CEP131: variants seen among roughly 807,000 people sequenced by gnomAD.
The protein encoded by CEP131 is centrosomal protein of 131 kDa.
In CEP131, 99 loss-of-function variants were observed where a neutral mutation model predicts 136.8. The observed-to-expected ratio is 0.72, with a 90% CI of 0.62 to 0.86. The LOEUF (loss-of-function observed/expected upper bound fraction) is 0.86, where lower values mean the gene tolerates loss of function less well. CEP131 is among the 40% of genes least tolerant of loss of function. The pLI is 0.00. For missense variants in CEP131, 1,459 were observed against 1,463.0 expected, an observed-to-expected ratio of 1.00 and a Z score of 0.04; for synonymous variants, 646 against 612.7, an observed-to-expected ratio of 1.05 and a Z score of -0.80.
In CEP131 at chr17:81,201,355, C is replaced by T. The variant is rs2061886846; in HGVS notation, c.788+885G>A. The stretch of plus-strand genomic sequence containing the variant: ...TCCGAAAGTCCAGGCAGGGAGGTAC[C>T]CCCGCGACTGTCCTGACAAGAAACG... On this transcript the variant is annotated intron_variant, in intron 7 of 25. Coordinates refer to ENST00000450824, the MANE Select transcript of CEP131 (RefSeq NM_014984.4). Among the ~76,000 whole-genome samples the T allele has an allele frequency of 2.0e-5, 3 of 152,164 alleles. No homozygotes were observed. In the South Asian group the frequency reaches 6.2e-4, roughly 31 times the overall value.
chr17:81,211,054 C>T (rs575532644), intron 2 of CEP131, among the ~76,000 whole-genome samples: 3 of 152,294 alleles, frequency 2.0e-5, no homozygotes, highest in Non-Finnish European at 2.9e-5. Context: ...AGCGCGTGGG[C>T]GCCACCATTC....
At position 81,207,177 on chromosome 17, in the gene CEP131, G is replaced by A. The variant is rs369981099; in HGVS notation, c.335C>T (p.Pro112Leu). ...GCTGGGGGCTGTGCTCAGGCTGGCA[G>A]GCCTCTTTTTCCCACTGGGGCTGCC... ...FEGSPSGKKRPASLSTAPSEK... is the reference protein window; with the variant it reads ...FEGSPSGKKRLASLSTAPSEK... Residue 112 changes from proline (P) to leucine (L), a missense_variant, in exon 4 of 26, where the codon CCT becomes CTT. By Grantham distance (98) the Pro-to-Leu change is moderately conservative. Around this residue, in one of 3 missense-constraint regions of CEP131, gnomAD observed 187 missense variants for 179.9 expected, o/e 1.04. Coordinates refer to ENST00000450824, the MANE Select transcript of CEP131 (RefSeq NM_014984.4). 12 of 1,613,596 alleles carry A rather than the reference G, an allele frequency of 7.4e-6. No individual in the cohort carries two copies. Among genetic ancestry groups the A allele is most frequent in the Admixed American group, 6.7e-5 (4 of 59,900 alleles).
intron 3 of CEP131, among the ~76,000 whole-genome samples, chr17:81,207,918 A>AC (rs2062043734): frequency 6.8e-6 from 1 of 147,830 alleles, no homozygotes; most frequent in Non-Finnish European, 1.5e-5. Context: ...CACACCACAT[A>AC]ACACACACAC....
Position 81,190,742 on chromosome 17 carries a change from C to T in CEP131, c.3004G>A (p.Glu1002Lys), listed in dbSNP as rs778958570. 11 of 1,611,698 alleles carry T rather than the reference C, an allele frequency of 6.8e-6. No individual in the cohort carries two copies. Among genetic ancestry groups the T allele is most frequent in the South Asian group, 5.5e-5 (5 of 90,974 alleles). ...TCCTCAGAGGCTGCCAGCCGGTCCT[C>T]GAACTCCTGGCGGATCACCTGGGCC... Reference protein sequence around the residue: ...NLAQVIRQEFEDRLAASEEET... With the variant: ...NLAQVIRQEFKDRLAASEEET... The change falls in exon 24 of 26, where the codon GAG (glutamate) becomes AAG (lysine). Residue 1002 changes from glutamate (E) to lysine (K), a missense_variant. By Grantham distance (56) the Glu-to-Lys change is moderately conservative. Coordinates refer to ENST00000450824, the MANE Select transcript of CEP131 (RefSeq NM_014984.4).
chr17:81,221,371 G>A (rs1213101540), intron 1 of CEP131, among the ~76,000 whole-genome samples: 2 of 152,084 alleles, frequency 1.3e-5, no homozygotes, highest in Non-Finnish European at 2.9e-5. Flanking sequence ...CTTTCTGAAC[G>A]AGTCTTTCTG....
At chr17:81,197,920 T>C (rs1415890177) in intron 12 of CEP131, 32 bp from the exon 13 acceptor site, 12 of 1,598,958 alleles carry the variant, frequency 7.5e-6, no homozygotes, top group Non-Finnish European at 9.4e-6. Context: ...TCGGGGGCTG[T>C]CAGGGCAGCC....
At chr17:81,205,440 GGAGGGGTGGGGGGGT>G (rs1377558678) in intron 5 of CEP131, among the ~76,000 whole-genome samples, 1 of 69,906 alleles carries the variant, frequency 1.4e-5, no homozygotes, top group African/African-American at 7.3e-5. Flanking sequence ...GATGGGGGTA[GGAGGGGTGGGGGGGT>G]AGGAGGGGCG....
At chr17:81,199,676 C>A in intron 9 of CEP131, 43 bp downstream of exon 9, 1 of 1,603,156 alleles carries the variant, frequency 6.2e-7, no homozygotes, top group Non-Finnish European at 8.5e-7. Flanking sequence ...CACGGTCAGG[C>A]CTGGGCCACG....
At chr17:81,211,152 T>C (rs994607772) in intron 2 of CEP131, among the ~76,000 whole-genome samples, 27 of 152,108 alleles carry the variant, frequency 1.8e-4, no homozygotes, top group Admixed American at 3.3e-4. Context: ...TAACACCCAA[T>C]ACAAGACACA....
At position 81,190,839 on chromosome 17, in the gene CEP131, C is replaced by T. The variant is rs1275574760; in HGVS notation, c.2944-37G>A. 11 of 1,588,998 alleles carry T rather than the reference C, an allele frequency of 6.9e-6. No homozygotes were observed. The South Asian group carries it at 8.0e-5, about 11-fold the overall frequency. ...CAGAAGGCAGTGAGCCGGCTGCCAG[C>T]GACTGGCTGCGTGCATGCAGGAGGG... On this transcript the variant is annotated intron_variant, in intron 23 of 25. Coordinates refer to ENST00000450824, the MANE Select transcript of CEP131 (RefSeq NM_014984.4).
rs771378813 is a variant in CEP131 at position 81,189,921 on chromosome 17, T to C, written c.3162A>G (p.Gln1054=). ...KEEAVSSLRT[Q]HEAAVKRADH... ...GCTGGCCACAGGGACTCACCTCATG[T>C]TGTGTCCGGAGGCTGCTCACGGCCT... The change falls in exon 25 of 26, where the codon CAA becomes CAG. Residue 1054 remains glutamine (Q), a synonymous_variant. Transcript: ENST00000450824. 6.2e-7 allele frequency: 1 copy of C among 1,612,840 alleles called. No individual in the cohort carries two copies. Among genetic ancestry groups the C allele is most frequent in the Non-Finnish European group, 8.5e-7 (1 of 1,179,656 alleles).
rs1418627947 is a variant in CEP131, at chr17:81,208,810, G to A, written c.272+118C>T. On this transcript the variant is annotated intron_variant, in intron 3 of 25. Coordinates refer to ENST00000450824, the MANE Select transcript of CEP131 (RefSeq NM_014984.4). The surrounding 1 kb of genome is among the most constrained non-coding windows in gnomAD (Gnocchi z 5.6). ...ACTCCAGGCCTCACTAGCCAGCAAGGGCCCGGGACCCAGGAGGCTGGAGGA... is the reference window on the plus strand; with the variant it reads ...ACTCCAGGCCTCACTAGCCAGCAAGAGCCCGGGACCCAGGAGGCTGGAGGA... 1.4e-5 allele frequency: 11 copies of A among 776,662 alleles called. No homozygotes were observed. The highest frequency in any genetic ancestry group is 2.3e-5 in the Non-Finnish European group (11 of 482,064). The allele number at this position is 776,662 out of a possible 1,614,324, so 48.1% of individuals were successfully genotyped here.
chr17:81,203,483 G>C lies in CEP131; in HGVS notation c.629+11C>G. 6.3e-7 allele frequency: 1 copy of C among 1,587,268 alleles called. No individual in the cohort carries two copies. Among genetic ancestry groups the C allele is most frequent in the South Asian group, 1.1e-5 (1 of 87,440 alleles). ...ACCCCGCAGCCCCGCGGCCTCCCCA[G>C]AAGACCTTACTTGAGGGAGGGGGCA... On this transcript the variant is annotated intron_variant, in intron 6 of 25. Transcript: ENST00000450824. The surrounding 1 kb of genome is among the most constrained non-coding windows in gnomAD (Gnocchi z 4.6).
rs1427574048 is a variant in CEP131 at position 81,196,922 on chromosome 17, A to G, written c.1773+8T>C. The G allele has an allele frequency of 1.2e-6, 2 of 1,609,210 alleles. No individual in the cohort carries two copies. The highest frequency in any genetic ancestry group is 2.2e-5 in the East Asian group (1 of 44,764). On this transcript the variant is annotated splice_region_variant and intron_variant, in intron 14 of 25. Transcript: ENST00000450824. The stretch of plus-strand genomic sequence containing the variant: ...AGGGCCCGGGATTAGCAGTGCCAGC[A>G]GCGTTACCAGCGCTCTCTGCAGCAG...
intron 12 of CEP131, 88 bp downstream of exon 12, chr17:81,198,027 C>T: frequency 6.7e-7 from 1 of 1,482,462 alleles, no homozygotes; most frequent in Non-Finnish European, 9.0e-7. Context: ...GTGGCATCCC[C>T]ATTTTCCCAA....
intron 18 of CEP131, among the ~76,000 whole-genome samples, chr17:81,193,715 G>T (rs367867806): frequency 3.9e-5 from 6 of 152,212 alleles, no homozygotes; most frequent in African/African-American, 1.4e-4. Flanking sequence ...AGACCTCGGC[G>T]GGCATGAACT....
At position 81,221,916 on chromosome 17, in the gene CEP131, AC is replaced by A. The variant is rs2062397531; in HGVS notation, c.-18+852del. 2.0e-5 allele frequency among the ~76,000 whole-genome samples: 3 copies of A among 152,082 alleles called. No individual in the cohort carries two copies. The South Asian group carries it at 6.2e-4, about 32-fold the overall frequency. On this transcript the variant is annotated intron_variant, in intron 1 of 25. Transcript: ENST00000450824. ...CACCCTGGGCTTCCTTCAGCCCGGC[AC>A]CCCACAGCAGGTCCCCCAAGGTCCC...
chr17:81,200,378 C>G lies in CEP131; in HGVS notation c.857G>C (p.Arg286Pro). Residue 286 changes from arginine (R) to proline (P), a missense_variant, in exon 8 of 26, where the codon CGC becomes CCC. Physicochemically the swap from Arg to Pro is moderately radical, Grantham distance 103. Coordinates refer to ENST00000450824, the MANE Select transcript of CEP131 (RefSeq NM_014984.4). ...QRWYRHQVQR[R>P]GAGAARLEHL... The stretch of plus-strand genomic sequence containing the variant: ...CTCCAGGCGGGCAGCTCCTGCTCCG[C>G]GCCGCTGCACCTGGTGCCGGTACCA... The G allele has an allele frequency of 8.3e-6, 13 of 1,575,376 alleles. No individual in the cohort carries two copies. In the South Asian group the frequency reaches 1.5e-4, roughly 18 times the overall value.
Position 81,200,425 on chromosome 17 carries a change from C to T in CEP131, c.810G>A (p.Gln270=), listed in dbSNP as rs577728168. 2 of 1,550,838 alleles carry T rather than the reference C, an allele frequency of 1.3e-6. No homozygotes were observed. Among genetic ancestry groups the T allele is most frequent in the East Asian group, 4.9e-5 (2 of 41,012 alleles). The change falls in exon 8 of 26, where the codon CAG becomes CAA. Residue 270 remains glutamine (Q), a synonymous_variant. Coordinates refer to ENST00000450824, the MANE Select transcript of CEP131 (RefSeq NM_014984.4). ...EAERFIHQVN[Q]ATVTIQRWYR... ...ACCAGCGCTGGATGGTGACAGTGGC[C>T]TGGTTCACCTGGTGGATAAACCTGC... is the stretch of plus-strand genomic sequence containing the variant.
Sources: gnomAD v4.1 joint callset for allele counts (sites outside exome capture counted in the v4.1 genomes callset) on GRCh38, gnomAD v4.1.1 for gene constraint, gnomAD v4.1.1 regional missense constraint, Gnocchi (gnomAD v3.1) non-coding constraint, MANE v1.5 for transcripts, NCBI Gene and HGNC (gene_info 2026-07-23, HGNC 2026-07-21) for gene names.